The following LILRB1 variants were observed in gnomAD, a reference collection of about 807,000 sequenced individuals.
LILRB1 encodes leukocyte immunoglobulin like receptor B1.
LILRB1 carries 59 observed loss-of-function variants against 74.6 expected under a neutral mutation model. That is an observed-to-expected ratio of 0.79 (90% CI 0.64 to 0.98). The LOEUF (loss-of-function observed/expected upper bound fraction) is 0.98, where lower values mean the gene tolerates loss of function less well. Among genes scored for constraint, LILRB1 ranks in the 50% least tolerant of loss-of-function variants. The pLI is 0.00. For missense variants in LILRB1, 804 were observed against 822.6 expected (o/e 0.98, Z 0.28); for synonymous variants, 328 against 333.9 (o/e 0.98, Z 0.19).
In LILRB1 at chr19:54,634,724, A is replaced by C; in HGVS notation, c.1447A>C (p.Ile483Leu). ...LLLLLLLLFL[I>L]LRHRRQGKHW... is the part of the protein sequence containing the mutation. ...CCTCCTCCTCCTCCTCCTCTTCCTC[A>C]TCCTCCGACATCGACGTCAGGGCAA... The change falls in exon 10 of 15, where the codon ATC becomes CTC. Residue 483 changes from isoleucine to leucine, a missense_variant. Physicochemically the swap from Ile to Leu is conservative, Grantham distance 5. Transcript: ENST00000324602. The C allele has an allele frequency of 1.2e-6, 2 of 1,613,564 alleles. No homozygotes were observed. Among genetic ancestry groups the C allele is most frequent in the Non-Finnish European group, 1.7e-6 (2 of 1,179,840 alleles).
chr19:54,620,598 C>T (rs2063430194), intron 1 of LILRB1, among the ~76,000 whole-genome samples: 1 of 152,070 alleles, frequency 6.6e-6, no homozygotes, highest in Non-Finnish European at 1.5e-5. Flanking sequence ...AGAGAACAAC[C>T]AGCTTAGTGG....
chr19:54,635,038 A>G, intron 10 of LILRB1, 66 bp from the exon 11 acceptor site: 2 of 1,282,840 alleles, frequency 1.6e-6, no homozygotes, highest in Non-Finnish European at 2.1e-6. Flanking sequence ...CTTACCTTCG[A>G]GCTGTGTGTG....
chr19:54,635,622 C>T lies in LILRB1; in HGVS notation c.1653+13C>T. 1 of 1,613,844 alleles carries T rather than the reference C, an allele frequency of 6.2e-7. No individual in the cohort carries two copies. The highest frequency in any genetic ancestry group is 8.5e-7 in the Non-Finnish European group (1 of 1,179,968). The stretch of plus-strand genomic sequence containing the variant: ...GATGGACACTCGGGTGAGACCCCAC[C>T]CCTGTCCCAGGCACCAAAGGCCTCC... On this transcript the variant is annotated intron_variant, in intron 13 of 14. Transcript: ENST00000324602.
upstream of LILRB1, chr19:54,630,368 T>G (rs527662472): frequency 1.3e-3 from 189 of 143,428 alleles, no homozygotes; most frequent in African/African-American, 8.9e-3. Flanking sequence ...GGGGGTGGGG[T>G]TGGACACTGT....
In LILRB1 at chr19:54,634,413, T is replaced by C. The variant is rs3952345; in HGVS notation, c.1364-228T>C. 2.7e-3 allele frequency: 3,972 copies of C among 1,484,346 alleles called. 55 individuals are homozygous for C. The South Asian group carries it at 0.027, about 10-fold the overall frequency. 91.9% of individuals were successfully genotyped at this position (1,484,346 alleles called of 1,614,324 possible). A position where few individuals can be genotyped will look rare whatever the true frequency, so the allele number is the denominator to read the frequency against. On this transcript the variant is annotated intron_variant, in intron 9 of 14. Transcript: ENST00000324602. ...GAACAAGGGCTGCAGGTCAGACTCC[T>C]GGGCTTCCTTCCCAGCTCTGCCGCT...
chr19:54,625,775 ATC>A (rs1366536452), upstream of LILRB1, among the ~76,000 whole-genome samples: 1 of 78,060 alleles, frequency 1.3e-5, no homozygotes, highest in Non-Finnish European at 2.5e-5. Context: ...ATGTTAGGGA[ATC>A]TCTCACTCAC....
chr19:54,626,842 T>C (rs1307138123), upstream of LILRB1, among the ~76,000 whole-genome samples: 1 of 152,220 alleles, frequency 6.6e-6, no homozygotes, highest in Non-Finnish European at 1.5e-5. Context: ...TGCCCTGCGG[T>C]GTCCATGCTG....
At chr19:54,630,810 G>C (rs2063765685) in intron 1 of LILRB1, 177 bp downstream of exon 1, 1 of 761,218 alleles carries the variant, frequency 1.3e-6, no homozygotes, top group African/African-American at 1.7e-5. Flanking sequence ...AAACAAACCA[G>C]ACAGACGGTG....
At chr19:54,631,467 T>A in intron 3 of LILRB1, 33 bp from the exon 4 acceptor site, 1 of 1,597,844 alleles carries the variant, frequency 6.3e-7, no homozygotes, top group Non-Finnish European at 8.5e-7. Flanking sequence ...GGGTGGGAAA[T>A]GAGTTAGAAT....
Position 54,632,217 on chromosome 19 carries a change from TC to T in LILRB1, c.643del (p.Leu215TrpfsTer6). 6.2e-7 allele frequency: 1 copy of T among 1,613,264 alleles called. No individual in the cohort carries two copies. The highest frequency in any genetic ancestry group is 8.5e-7 in the Non-Finnish European group (1 of 1,179,298). ...TATGAGTGGTCTCTACCCAGTGATCTCCTGGAGCTCCTGGTCCTAGGTGAGA... is the reference window on the plus strand; with the variant it reads ...TATGAGTGGTCTCTACCCAGTGATCTCTGGAGCTCCTGGTCCTAGGTGAGA... ...SPYEWSLPSD[L>X]LELLVLGVSK... is the part of the protein sequence containing the mutation. On this transcript the variant is annotated frameshift_variant, in exon 5 of 15. Transcript: ENST00000324602. LOFTEE classifies it high-confidence loss of function.
intron 1 of LILRB1, among the ~76,000 whole-genome samples, chr19:54,623,295 G>T (rs2063500112): frequency 6.6e-6 from 1 of 152,056 alleles, no homozygotes; most frequent in African/African-American, 2.4e-5. Flanking sequence ...TCTGTTCTTG[G>T]GCTTTTTTGC....
At position 54,637,528 on chromosome 19, in the gene LILRB1, T is replaced by TAAAAAAAAAAAAA. The variant is rs982853962; in HGVS notation, c.*656_*668dup. On this transcript the variant is annotated 3_prime_UTR_variant, in exon 15 of 15. Transcript: ENST00000324602. ...GACAGAGGGAGACTCCATCTCAAAT[T>TAAAAAAAAAAAAA]AAAAAAAAAAAAAAAAAAGAAAGAA... 3 of 78,820 alleles carry TAAAAAAAAAAAAA rather than the reference T, an allele frequency of 3.8e-5. No individual in the cohort carries two copies. The highest frequency in any genetic ancestry group is 1.4e-4 in the Admixed American group (1 of 7,212). 4.9% of individuals were successfully genotyped at this position (78,820 alleles called of 1,614,324 possible).
At chr19:54,635,646 C>G (rs371948882) in intron 13 of LILRB1, 37 bp downstream of exon 13, 14 of 1,601,756 alleles carry the variant, frequency 8.7e-6, no homozygotes, top group Non-Finnish European at 1.2e-5. Flanking sequence ...CCAAAGGCCT[C>G]CTGGTGCCAG....
At chr19:54,622,656 ACTTT>A (rs1240322783) in intron 1 of LILRB1, among the ~76,000 whole-genome samples, 1 of 152,118 alleles carries the variant, frequency 6.6e-6, no homozygotes, top group South Asian at 2.1e-4. Flanking sequence ...ATGTGGATGC[ACTTT>A]CTTTCTTTCT....
At chr19:54,618,676 T>C (rs1381118477) in intron 1 of LILRB1, among the ~76,000 whole-genome samples, 1 of 152,212 alleles carries the variant, frequency 6.6e-6, no homozygotes, top group Non-Finnish European at 1.5e-5. Context: ...TTTGCTTGTA[T>C]AATTTTTAAT....
chr19:54,621,075 T>C (rs937135590), intron 1 of LILRB1, among the ~76,000 whole-genome samples: 1 of 152,276 alleles, frequency 6.6e-6, no homozygotes, highest in African/African-American at 2.4e-5. Flanking sequence ...GGTTTCACCA[T>C]GTTGCCCAGG....
At chr19:54,631,150 C>G (rs763076288) in intron 2 of LILRB1, 43 bp downstream of exon 2, 7 of 1,613,886 alleles carry the variant, frequency 4.3e-6, no homozygotes, top group Non-Finnish European at 5.9e-6. Flanking sequence ...CTAAGAGGGA[C>G]CTCACCCCAC....
intron 9 of LILRB1, 190 bp from the exon 10 acceptor site, chr19:54,634,451 G>A (rs1307932883): frequency 2.0e-6 from 3 of 1,514,944 alleles, no homozygotes; most frequent in African/African-American, 1.4e-5. Context: ...CTGGCTGGGG[G>A]CCCCGGGCAG....
Position 54,635,145 on chromosome 19 carries a change from G to T in LILRB1, c.1528G>T (p.Gly510Trp). The T allele has an allele frequency of 6.3e-7, 1 of 1,593,004 alleles. No individual in the cohort carries two copies. The highest frequency in any genetic ancestry group is 8.6e-7 in the Non-Finnish European group (1 of 1,164,864). The part of the protein sequence containing the change: ...ADFQHPAGAV[G>W]PEPTDRGLQW... ...TTTCCAACATCCTGCAGGGGCTGTG[G>T]GGCCAGAGCCCACAGACAGAGGCCT... is the stretch of plus-strand genomic sequence containing the variant. The change falls in exon 11 of 15, where the codon GGG becomes TGG. Residue 510 changes from glycine (G) to tryptophan (W), a missense_variant. Transcript: ENST00000324602.
Sources: gnomAD v4.1 joint callset for allele counts (sites outside exome capture counted in the v4.1 genomes callset) on GRCh38, gnomAD v4.1.1 for gene constraint, MANE v1.5 for transcripts, NCBI Gene and HGNC (gene_info 2026-07-23, HGNC 2026-07-21) for gene names.